Variants in ERCC8 observed in about 807,000 individuals in gnomAD.
ERCC8 encodes the protein ERCC excision repair 8, CSA ubiquitin ligase complex subunit, also known as DNA excision repair protein ERCC-8.
Under a neutral mutation model 54.9 loss-of-function variants are expected in ERCC8, and 52 were observed. That is an observed-to-expected ratio of 0.95 (90% CI 0.76 to 1.19). The LOEUF is 1.19. ERCC8 is among the 50% of genes most tolerant of loss of function. ERCC8 has a pLI of 0.00. For missense variants in ERCC8, 514 were observed against 466.1 expected (o/e 1.10, Z -0.95); for synonymous variants, 146 against 157.2 (o/e 0.93, Z 0.53).
At chr5:60,892,405 G>A in intron 9 of ERCC8, 1 of 545,846 alleles carries the variant, frequency 1.8e-6, no homozygotes, top group South Asian at 1.5e-5. Flanking sequence ...CGATGTCAAA[G>A]AACTTGGTCA....
chr5:60,933,216 CTTTT>C (rs143139297), intron 1 of ERCC8, among the ~76,000 whole-genome samples: 1 of 89,484 alleles, frequency 1.1e-5, no homozygotes, highest in Non-Finnish European at 2.0e-5. Flanking sequence ...CCTTTTTTTT[CTTTT>C]TTTTTTTTTT....
intron 1 of ERCC8, among the ~76,000 whole-genome samples, chr5:60,941,721 C>T (rs1197734533): frequency 3.3e-5 from 5 of 152,142 alleles, no homozygotes; most frequent in Admixed American, 2.6e-4. Flanking sequence ...TGAATGGCTG[C>T]AGATTCCTTT....
intron 7 of ERCC8, chr5:60,900,832 T>A (rs956209948): frequency 3.3e-5 from 5 of 152,084 alleles, no homozygotes; most frequent in Non-Finnish European, 7.4e-5. Context: ...TTCTTAGCTC[T>A]CCTCTTATCT....
rs551289587 is a variant in ERCC8, at chr5:60,892,927, C to T, written c.844-1841G>A. On this transcript the variant is annotated intron_variant, in intron 9 of 11. Coordinates refer to ENST00000676185, the MANE Select transcript of ERCC8 (RefSeq NM_000082.4). ...TCCATATGGATGTGGGTGCGCATTT[C>T]ACCAAGGCAGCAATAGTTCCCCAGA... 6.7e-6 allele frequency: 5 copies of T among 748,216 alleles called. No individual in the cohort carries two copies. The Admixed American group carries it at 9.0e-5, about 14-fold the overall frequency. The allele number at this position is 748,216 out of a possible 1,614,324, so 46.3% of individuals were successfully genotyped here. A position where few individuals can be genotyped will look rare whatever the true frequency, so the allele number is the denominator to read the frequency against.
chr5:60,925,434 A>G (rs1197499615), intron 2 of ERCC8, among the ~76,000 whole-genome samples: 1 of 152,236 alleles, frequency 6.6e-6, no homozygotes, highest in Non-Finnish European at 1.5e-5. Context: ...ATTAGAGTCC[A>G]GACTGCTATA....
chr5:60,878,907 C>T (rs1165854279), intron 11 of ERCC8, among the ~76,000 whole-genome samples: 1 of 152,120 alleles, frequency 6.6e-6, no homozygotes, highest in African/African-American at 2.4e-5. Context: ...TTACCTTCTG[C>T]TAGCTTTTGA....
chr5:60,927,180 C>T (rs938165080), intron 2 of ERCC8, among the ~76,000 whole-genome samples: 1 of 152,184 alleles, frequency 6.6e-6, no homozygotes, highest in African/African-American at 2.4e-5. Flanking sequence ...TGTAAAATAA[C>T]ACCTTACTTT....
intron 7 of ERCC8, among the ~76,000 whole-genome samples, chr5:60,900,113 C>T (rs4647117): frequency 7.8e-4 from 119 of 152,070 alleles, no homozygotes; most frequent in African/African-American, 2.6e-3. Flanking sequence ...AAGCAATTAA[C>T]TAATTTCACT....
chr5:60,882,155 A>G (rs889681079), intron 11 of ERCC8, among the ~76,000 whole-genome samples: 13 of 151,988 alleles, frequency 8.6e-5, no homozygotes, highest in African/African-American at 3.1e-4. Flanking sequence ...AACATTTTTT[A>G]ATGGTAACCC....
intron 11 of ERCC8, among the ~76,000 whole-genome samples, chr5:60,886,564 T>C (rs1019551673): frequency 1.3e-5 from 2 of 151,788 alleles, no homozygotes; most frequent in Admixed American, 6.6e-5. Context: ...TAGCCAGGCG[T>C]GGTGGCGGGT....
chr5:60,899,630 A>C lies in ERCC8; in HGVS notation c.715T>G (p.Ser239Ala). ...HNGKKSQAVE[S>A]ANTAHNGKVN... is the part of the protein sequence containing the mutation. ...TTATTAATGCGTTCTTCCTTACCTG[A>C]TTCAACAGCTTGTGACTTTTTCCCA... Residue 239 changes from serine (S) to alanine (A), a missense_variant, in exon 8 of 12, where the codon TCA (serine) becomes GCA (alanine). Transcript: ENST00000676185. 6.2e-7 allele frequency: 1 copy of C among 1,604,852 alleles called. No individual in the cohort carries two copies. Among genetic ancestry groups the C allele is most frequent in the Non-Finnish European group, 8.5e-7 (1 of 1,172,210 alleles).
At chr5:60,934,036 T>A (rs1240691247) in intron 1 of ERCC8, among the ~76,000 whole-genome samples, 1 of 152,234 alleles carries the variant, frequency 6.6e-6, no homozygotes, top group East Asian at 1.9e-4. Context: ...AATTGTGCTG[T>A]TATAAACATG....
chr5:60,929,481 G>T (rs1334157577), intron 1 of ERCC8, among the ~76,000 whole-genome samples: 2 of 152,094 alleles, frequency 1.3e-5, no homozygotes, highest in Non-Finnish European at 2.9e-5. Context: ...CTCCTATGCA[G>T]GAGACTGAGG....
intron 11 of ERCC8, among the ~76,000 whole-genome samples, chr5:60,887,152 T>G (rs1462472891): frequency 2.0e-5 from 3 of 152,214 alleles, no homozygotes; most frequent in Non-Finnish European, 4.4e-5. Context: ...CTTTTGATAT[T>G]TTTCTGAATT....
chr5:60,882,777 T>G (rs1393589721), intron 11 of ERCC8, among the ~76,000 whole-genome samples: 1 of 152,236 alleles, frequency 6.6e-6, no homozygotes, highest in Non-Finnish European at 1.5e-5. Context: ...AGTCTGTTCA[T>G]TTTGTCTTTC....
chr5:60,927,486 T>C (rs1749781864), intron 2 of ERCC8, among the ~76,000 whole-genome samples: 1 of 152,220 alleles, frequency 6.6e-6, no homozygotes. Flanking sequence ...TTTCTCTATG[T>C]GCTGTATTAA....
rs546328344 is a variant in ERCC8 at position 60,887,459 on chromosome 5, G to C, written c.1103C>G (p.Pro368Arg). The C allele has an allele frequency of 6.2e-7, 1 of 1,613,202 alleles. No individual in the cohort carries two copies. The highest frequency in any genetic ancestry group is 8.5e-7 in the Non-Finnish European group (1 of 1,179,252). ...ATTTACCTCATCATCATCAGGAACT[G>C]GTTCATATAAGGATGGAACCCAAGC... is the stretch of plus-strand genomic sequence containing the variant. ...ILAWVPSLYE[P>R]VPDDDETTTK... Residue 368 changes from proline to arginine, a missense_variant, in exon 11 of 12, where the codon CCA becomes CGA. Physicochemically the swap from Pro to Arg is moderately radical, Grantham distance 103. Transcript: ENST00000676185.
At chr5:60,908,577 A>ATTT (rs1396881597) in intron 4 of ERCC8, among the ~76,000 whole-genome samples, 1 of 90,310 alleles carries the variant, frequency 1.1e-5, no homozygotes, top group Admixed American at 1.3e-4. Flanking sequence ...ATATATATAT[A>ATTT]TATATATTTT....
At chr5:60,917,340 C>T (rs192599681) in intron 4 of ERCC8, 60 of 151,552 alleles carry the variant, frequency 4.0e-4, no homozygotes, top group African/African-American at 1.4e-3. Flanking sequence ...TGCAGCAAAG[C>T]ATTTGTGTTG....
Sources: allele counts gnomAD v4.1 joint callset (sites outside exome capture counted in the v4.1 genomes callset), GRCh38; gene constraint gnomAD v4.1.1; transcripts MANE v1.5; gene names NCBI Gene and HGNC (gene_info 2026-07-23, HGNC 2026-07-21).